The following RAI1 variants were observed in gnomAD, a reference collection of about 807,000 sequenced individuals.
RAI1 encodes retinoic acid-induced protein 1.
A neutral mutation model predicts 123.8 loss-of-function variants in RAI1; 9 were observed. The ratio of observed to expected loss-of-function variants is 0.07; its 90% CI spans 0.04 to 0.13. RAI1 has a LOEUF of 0.13. Ranked by LOEUF, RAI1 falls within the 10% of genes least tolerant of loss-of-function variation. The pLI is 1.00. For synonymous variants in RAI1, 1,231 were observed against 1,127.3 expected, an observed-to-expected ratio of 1.09 and a Z score of -1.84; for missense variants, 2,256 against 2,545.8, an observed-to-expected ratio of 0.89 and a Z score of 2.45.
chr17:17,713,326 T>C (rs936228864), intron 1 of RAI1, among the ~76,000 whole-genome samples: 6 of 151,980 alleles, frequency 3.9e-5, no homozygotes, highest in Admixed American at 6.6e-5. Flanking sequence ...CTGGGTGATA[T>C]AGTGAGATCC....
At position 17,797,801 on chromosome 17, in the gene RAI1, G is replaced by C; in HGVS notation, c.4853G>C (p.Gly1618Ala). Residue 1618 changes from glycine (G) to alanine (A), a missense_variant, in exon 3 of 6, where the codon GGA (glycine) becomes GCA (alanine). Transcript: ENST00000353383. ...TTICTVVNSP[G>A]DAPKPHRKPS... ...ATATGCACTGTTGTCAACTCCCCTGGAGATGCGCCCAAGCCCCACAGGAAG... is the reference window on the plus strand; with the variant it reads ...ATATGCACTGTTGTCAACTCCCCTGCAGATGCGCCCAAGCCCCACAGGAAG... The C allele has an allele frequency of 6.2e-7, 1 of 1,614,016 alleles. No homozygotes were observed. The highest frequency in any genetic ancestry group is 8.5e-7 in the Non-Finnish European group (1 of 1,180,012).
intron 1 of RAI1, among the ~76,000 whole-genome samples, chr17:17,711,350 C>T (rs1391858459): frequency 6.6e-6 from 1 of 152,234 alleles, no homozygotes; most frequent in Non-Finnish European, 1.5e-5. Flanking sequence ...CTGACAAACA[C>T]ATGCATTTTG....
chr17:17,716,655 CTGTG>C (rs1244465793), intron 1 of RAI1, among the ~76,000 whole-genome samples: 1 of 152,150 alleles, frequency 6.6e-6, no homozygotes, highest in Non-Finnish European at 1.5e-5. Flanking sequence ...TATGAGGTAA[CTGTG>C]TGATTCTGTC....
In RAI1 at chr17:17,681,735, T is replaced by C. The variant is rs964533686; in HGVS notation, c.-207T>C. ...CCCGACCCCCATGGCCACCCAGGCC[T>C]CCGGGCCGCGAAGTCGCAGCGCCAG... On this transcript the variant is annotated 5_prime_UTR_variant, in exon 1 of 6. Coordinates refer to ENST00000353383, the MANE Select transcript of RAI1 (RefSeq NM_030665.4). 66 of 326,256 alleles carry C rather than the reference T, an allele frequency of 2.0e-4. No individual in the cohort carries two copies. The highest frequency in any genetic ancestry group is 1.2e-3 in the African/African-American group (56 of 45,506). 20.2% of individuals were successfully genotyped at this position (326,256 alleles called of 1,614,324 possible). A position where few individuals can be genotyped will look rare whatever the true frequency, so the allele number is the denominator to read the frequency against.
intron 1 of RAI1, among the ~76,000 whole-genome samples, chr17:17,706,329 T>C (rs1019393726): frequency 6.6e-6 from 1 of 152,144 alleles, no homozygotes; most frequent in African/African-American, 2.4e-5. Context: ...GTGGCCAAGC[T>C]GGAGGGGGAC....
rs918154596 is a variant in RAI1, at chr17:17,688,994, C to T, written c.-149+7201C>T. Reference sequence around the variant, plus strand: ...TTTTTGAGCCGGAGTGTTGCTCTGTCGCCCAGACTGGAGTGCAGTGGCTCG... The same window carrying T: ...TTTTTGAGCCGGAGTGTTGCTCTGTTGCCCAGACTGGAGTGCAGTGGCTCG... On this transcript the variant is annotated intron_variant, in intron 1 of 5. Transcript: ENST00000353383. Among the ~76,000 whole-genome samples, 7 of 151,118 alleles carry T rather than the reference C, an allele frequency of 4.6e-5. No individual in the cohort carries two copies. In the East Asian group the frequency reaches 7.7e-4, roughly 17 times the overall value.
At chr17:17,719,244 C>G (rs1161183992) in intron 1 of RAI1, among the ~76,000 whole-genome samples, 5 of 152,194 alleles carry the variant, frequency 3.3e-5, no homozygotes, top group Non-Finnish European at 5.9e-5. Context: ...CTCGTTCAGT[C>G]TAAGAGCCAA....
intron 1 of RAI1, 35 bp downstream of exon 1, chr17:17,681,828 T>C: frequency 3.6e-6 from 1 of 279,800 alleles, no homozygotes; most frequent in East Asian, 5.7e-5. Flanking sequence ...GGGGGCGCAG[T>C]GTATCCTGCC....
chr17:17,741,111 ACTCGCGCACG>A (rs1916617332), intron 2 of RAI1, among the ~76,000 whole-genome samples: 1 of 151,096 alleles, frequency 6.6e-6, no homozygotes, highest in African/African-American at 2.4e-5. Flanking sequence ...ACACACACAC[ACTCGCGCACG>A]CACACACGCA....
At chr17:17,742,034 G>C (rs1429676801) in intron 2 of RAI1, among the ~76,000 whole-genome samples, 1 of 152,266 alleles carries the variant, frequency 6.6e-6, no homozygotes, top group Non-Finnish European at 1.5e-5. Flanking sequence ...AATTACGTTT[G>C]CTGAAAAGGC....
intron 4 of RAI1, among the ~76,000 whole-genome samples, chr17:17,806,347 T>G (rs2032592553): frequency 6.6e-6 from 1 of 152,198 alleles, no homozygotes. Context: ...CAGGGATCCC[T>G]GTAGCACCGT....
chr17:17,690,678 C>T (rs1914807104), intron 1 of RAI1, among the ~76,000 whole-genome samples: 1 of 152,188 alleles, frequency 6.6e-6, no homozygotes, highest in African/African-American at 2.4e-5. Flanking sequence ...TAGTGATAAT[C>T]AGAATTCTCA....
intron 2 of RAI1, among the ~76,000 whole-genome samples, chr17:17,750,443 C>T (rs112005738): frequency 2.0e-5 from 3 of 152,220 alleles, no homozygotes; most frequent in African/African-American, 7.2e-5. Context: ...CATGATGGGC[C>T]GGGCACGGTG....
At chr17:17,789,373 G>A (rs2031935311) in intron 2 of RAI1, among the ~76,000 whole-genome samples, 1 of 152,364 alleles carries the variant, frequency 6.6e-6, no homozygotes, top group Non-Finnish European at 1.5e-5. Context: ...CAGCCGCCTT[G>A]CTCCCGCCTC....
At chr17:17,804,446 T>C (rs1331750686) in intron 4 of RAI1, among the ~76,000 whole-genome samples, 3 of 152,234 alleles carry the variant, frequency 2.0e-5, no homozygotes, top group African/African-American at 7.2e-5. Flanking sequence ...CTACCATCAC[T>C]GGGCACACAG....
intron 2 of RAI1, among the ~76,000 whole-genome samples, chr17:17,768,786 C>T (rs954497393): frequency 4.6e-5 from 7 of 152,240 alleles, no homozygotes; most frequent in African/African-American, 1.4e-4. Flanking sequence ...GGAGGAGGTT[C>T]AGACCCAAGG....
chr17:17,770,351 A>G (rs971877612), intron 2 of RAI1, among the ~76,000 whole-genome samples: 4 of 152,210 alleles, frequency 2.6e-5, no homozygotes, highest in Non-Finnish European at 4.4e-5. Flanking sequence ...ATGGGGAGAC[A>G]TAAACAGAGC....
chr17:17,695,887 G>C (rs887204592), intron 1 of RAI1, among the ~76,000 whole-genome samples: 2 of 152,204 alleles, frequency 1.3e-5, no homozygotes, highest in African/African-American at 4.8e-5. Context: ...TACTGAGTAG[G>C]CAGCTAAATT....
Position 17,794,974 on chromosome 17 carries a change from G to C in RAI1, c.2026G>C (p.Gly676Arg), listed in dbSNP as rs751222476. 1.1e-5 allele frequency: 17 copies of C among 1,613,950 alleles called. No individual in the cohort carries two copies. The South Asian group carries it at 1.9e-4, about 18-fold the overall frequency. Residue 676 changes from glycine (G) to arginine (R), a missense_variant, in exon 3 of 6, where the codon GGC becomes CGC. Around this residue, in one of 7 missense-constraint regions of RAI1, gnomAD observed 566 missense variants for 616.0 expected, o/e 0.92. Transcript: ENST00000353383. Reference protein sequence around the residue: ...ALPDSLQLDKGGNAKDFSPGL... With the variant: ...ALPDSLQLDKRGNAKDFSPGL... ...GCCCGACTCCTTGCAGCTGGACAAG[G>C]GCGGCAATGCCAAGGACTTCAGCCC...
Sources: gnomAD v4.1 joint callset for allele counts (sites outside exome capture counted in the v4.1 genomes callset) on GRCh38, gnomAD v4.1.1 for gene constraint, gnomAD v4.1.1 regional missense constraint, MANE v1.5 for transcripts, NCBI Gene and HGNC (gene_info 2026-07-23, HGNC 2026-07-21) for gene names.